Variants in DCLK1 observed in about 807,000 individuals in gnomAD.
DCLK1 encodes doublecortin like kinase 1, also known as serine/threonine-protein kinase DCLK1.
DCLK1 carries 16 observed loss-of-function variants against 86.2 expected under a neutral mutation model. The observed-to-expected ratio is 0.19, with a 90% CI of 0.13 to 0.28. The LOEUF (loss-of-function observed/expected upper bound fraction) is 0.28. Ranked by LOEUF, DCLK1 falls within the 10% of genes least tolerant of loss-of-function variation. The pLI, the probability that DCLK1 is intolerant of heterozygous loss-of-function variation, is 1.00. For synonymous variants in DCLK1, 369 were observed against 370.5 expected, an observed-to-expected ratio of 1.00 and a Z score of 0.05; for missense variants, 590 against 940.2, an observed-to-expected ratio of 0.63 and a Z score of 4.87.
intron 16 of DCLK1, among the ~76,000 whole-genome samples, chr13:35,776,112 C>T (rs560938590): frequency 6.6e-6 from 1 of 152,176 alleles, no homozygotes; most frequent in Non-Finnish European, 1.5e-5. Context: ...TCTGTTGAAA[C>T]GTCTACCTTT....
chr13:36,045,283 T>A (rs1882841298), intron 3 of DCLK1, among the ~76,000 whole-genome samples: 1 of 141,632 alleles, frequency 7.1e-6, no homozygotes, highest in Non-Finnish European at 1.5e-5. Context: ...ATAGAAGATA[T>A]ATATAATAAT....
At chr13:35,976,229 A>G (rs1480023613) in intron 3 of DCLK1, among the ~76,000 whole-genome samples, 10 of 152,150 alleles carry the variant, frequency 6.6e-5, no homozygotes, top group Non-Finnish European at 2.9e-5. Context: ...AGTTCTGATC[A>G]GTCCAGGAAG....
intron 3 of DCLK1, among the ~76,000 whole-genome samples, chr13:36,104,630 C>T (rs759319666): frequency 4.0e-5 from 6 of 151,394 alleles, no homozygotes; most frequent in East Asian, 3.9e-4. Context: ...TATATAGCAA[C>T]GAGTCCAATG....
rs965358421 is a variant in DCLK1, at chr13:35,958,095, A to G, written c.724-10638T>C. Among the ~76,000 whole-genome samples the G allele has an allele frequency of 2.9e-4, 42 of 146,032 alleles. 1 individual carries two copies. Among genetic ancestry groups the G allele is most frequent in the Non-Finnish European group, 4.8e-4 (32 of 66,792 alleles). On this transcript the variant is annotated intron_variant, in intron 3 of 16. Transcript: ENST00000360631. ...CACCACCACTACTATAACCATCACC[A>G]CCGCTATAACCACCATCACCACCAC...
At chr13:35,906,271 A>G (rs1216427953) in intron 4 of DCLK1, among the ~76,000 whole-genome samples, 1 of 151,904 alleles carries the variant, frequency 6.6e-6, no homozygotes, top group African/African-American at 2.4e-5. Flanking sequence ...TTTAGGAAGT[A>G]GATGCTTTCT....
rs541094275 is a variant in DCLK1 at position 35,824,933 on chromosome 13, C to T, written c.1408-2058G>A. ...CATGACAGCGCCCTTCCTGAAGTGT[C>T]CCATCCCCTCCCCTTCAGTTTTCTA... On this transcript the variant is annotated intron_variant, in intron 10 of 16. Transcript: ENST00000360631. 3.3e-5 allele frequency among the ~76,000 whole-genome samples: 5 copies of T among 152,244 alleles called. No individual in the cohort carries two copies. In the South Asian group the frequency reaches 1.0e-3, roughly 32 times the overall value.
intron 4 of DCLK1, among the ~76,000 whole-genome samples, chr13:35,933,584 C>A (rs1029109530): frequency 6.6e-6 from 1 of 152,216 alleles, no homozygotes; most frequent in East Asian, 1.9e-4. Flanking sequence ...CATGTGGAAG[C>A]TGCCAAGACT....
chr13:35,944,280 C>T (rs1036623147), intron 4 of DCLK1, among the ~76,000 whole-genome samples: 8 of 152,126 alleles, frequency 5.3e-5, no homozygotes, highest in African/African-American at 1.9e-4. Context: ...ATAAAAGTGC[C>T]GCCTTGTGGC....
At chr13:35,794,829 T>C (rs1022180941) in intron 15 of DCLK1, among the ~76,000 whole-genome samples, 1 of 152,168 alleles carries the variant, frequency 6.6e-6, no homozygotes, top group African/African-American at 2.4e-5. Context: ...TTTTTGGTGT[T>C]AGAAACAAAG....
intron 3 of DCLK1, among the ~76,000 whole-genome samples, chr13:36,034,181 A>G (rs1002089705): frequency 2.6e-5 from 4 of 152,182 alleles, no homozygotes; most frequent in African/African-American, 9.7e-5. Context: ...TCTCCAGTCT[A>G]AAAAGAAGTA....
At chr13:35,800,021 G>T (rs967134087) in intron 15 of DCLK1, among the ~76,000 whole-genome samples, 1 of 152,234 alleles carries the variant, frequency 6.6e-6, no homozygotes, top group Admixed American at 6.5e-5. Context: ...TGATGCTGGA[G>T]AAAGTAACAG....
At chr13:35,812,119 T>C (rs1255481583) in intron 11 of DCLK1, among the ~76,000 whole-genome samples, 1 of 152,298 alleles carries the variant, frequency 6.6e-6, no homozygotes, top group East Asian at 1.9e-4. Flanking sequence ...CATGTGACTG[T>C]AGGCAAGTAT....
At chr13:36,060,990 A>G (rs1883523616) in intron 3 of DCLK1, among the ~76,000 whole-genome samples, 1 of 152,182 alleles carries the variant, frequency 6.6e-6, no homozygotes, top group Non-Finnish European at 1.5e-5. Flanking sequence ...GTACACAGCC[A>G]TATGAGGATG....
chr13:35,778,114 CTT>C (rs2086458189), intron 16 of DCLK1, among the ~76,000 whole-genome samples: 1 of 152,204 alleles, frequency 6.6e-6, no homozygotes, highest in Admixed American at 6.5e-5. Flanking sequence ...TCTTCAAAAA[CTT>C]TGTGGCTTTT....
At chr13:36,097,062 C>T (rs529999028) in intron 3 of DCLK1, among the ~76,000 whole-genome samples, 6 of 146,922 alleles carry the variant, frequency 4.1e-5, no homozygotes, top group Non-Finnish European at 9.2e-5. Context: ...ATGGAGGCTA[C>T]AGTTACAGGT....
chr13:36,077,718 G>C (rs9315383), intron 3 of DCLK1, among the ~76,000 whole-genome samples: 89,861 of 152,054 alleles, frequency 0.59, 26,986 homozygotes, highest in East Asian at 0.86. Flanking sequence ...GGCCATACAC[G>C]TTTCTACACA....
intron 3 of DCLK1, among the ~76,000 whole-genome samples, chr13:36,095,599 T>G (rs941557778): frequency 6.6e-6 from 1 of 152,204 alleles, no homozygotes; most frequent in African/African-American, 2.4e-5. Context: ...CAAGACTTGA[T>G]TTATGTCACC....
chr13:35,949,551 A>G (rs989421628), intron 3 of DCLK1, among the ~76,000 whole-genome samples: 1 of 152,240 alleles, frequency 6.6e-6, no homozygotes, highest in Non-Finnish European at 1.5e-5. Flanking sequence ...AAACATTCTG[A>G]TGATGTATCT....
At chr13:35,813,919 A>G (rs534770440) in intron 11 of DCLK1, among the ~76,000 whole-genome samples, 104 of 152,276 alleles carry the variant, frequency 6.8e-4, no homozygotes, top group African/African-American at 2.1e-3. Context: ...GCAGGTGAAT[A>G]AATGTCCAGT....
Sources: allele counts gnomAD v4.1 joint callset (sites outside exome capture counted in the v4.1 genomes callset), GRCh38; gene constraint gnomAD v4.1.1; transcripts MANE v1.5; gene names NCBI Gene and HGNC (gene_info 2026-07-23, HGNC 2026-07-21).